DNAH3: variants seen among roughly 807,000 people sequenced by gnomAD.
DNAH3 encodes dynein axonemal heavy chain 3.
Under a neutral mutation model 432.5 loss-of-function variants are expected in DNAH3, and 332 were observed. The observed-to-expected ratio is 0.77, with a 90% confidence interval of 0.70 to 0.84. DNAH3 has a LOEUF of 0.84. Ranked by LOEUF, DNAH3 falls within the 40% of genes least tolerant of loss-of-function variation. The pLI, the probability that DNAH3 is intolerant of heterozygous loss-of-function variation, is 0.00. For missense variants in DNAH3, 4,861 were observed against 5,114.0 expected (o/e 0.95, Z 1.51); for synonymous variants, 1,956 against 1,900.2 (o/e 1.03, Z -0.76).
At chr16:21,073,455 G>C (rs1314113995) in intron 21 of DNAH3, among the ~76,000 whole-genome samples, 1 of 152,080 alleles carries the variant, frequency 6.6e-6, no homozygotes, top group Non-Finnish European at 1.5e-5. Flanking sequence ...ACCCTTGCTG[G>C]GAGAGGCTCA....
At chr16:21,145,325 G>A in exon 3 of DNAH3, 1 of 1,614,200 alleles carries the variant, frequency 6.2e-7, no homozygotes. Flanking sequence ...CCACGGTGGT[G>A]ATGCTGTTCT....
intron 61 of DNAH3, among the ~76,000 whole-genome samples, 169 bp from the exon 62 acceptor site, chr16:20,933,676 A>C (rs549917649): frequency 1.1e-4 from 17 of 152,224 alleles, no homozygotes; most frequent in Non-Finnish European, 2.2e-4. Context: ...CCCACCATAC[A>C]TGGGCCAGGC....
chr16:20,994,204 T>C (rs1352175718), intron 44 of DNAH3, among the ~76,000 whole-genome samples: 1 of 151,982 alleles, frequency 6.6e-6, no homozygotes, highest in African/African-American at 2.4e-5. Flanking sequence ...CCGAGGTGGG[T>C]GGATCACCTG....
chr16:20,982,809 A>G (rs2085973115), exon 49 of DNAH3: 2 of 1,614,100 alleles, frequency 1.2e-6, no homozygotes, highest in Non-Finnish European at 1.7e-6. Flanking sequence ...GACTGGAACC[A>G]ATCAATCGTA....
intron 19 of DNAH3, among the ~76,000 whole-genome samples, chr16:21,082,152 A>T (rs1464082901): frequency 6.6e-6 from 1 of 151,970 alleles, no homozygotes; most frequent in Non-Finnish European, 1.5e-5. Context: ...CTCCCACCAT[A>T]GCCTCCCAAA....
At chr16:21,097,522 G>A (rs2091719095) in intron 17 of DNAH3, 23 bp from the exon 18 acceptor site, 1 of 1,610,590 alleles carries the variant, frequency 6.2e-7, no homozygotes, top group Non-Finnish European at 8.5e-7. Context: ...AGGAGATGCT[G>A]TTTATGGGAT....
chr16:21,055,332 A>G (rs1282190844), intron 27 of DNAH3, among the ~76,000 whole-genome samples: 1 of 152,186 alleles, frequency 6.6e-6, no homozygotes, highest in East Asian at 1.9e-4. Context: ...CTGGGAATAC[A>G]GGCATGAGCC....
At chr16:21,021,680 C>G (rs912640605) in intron 40 of DNAH3, among the ~76,000 whole-genome samples, 7 of 152,042 alleles carry the variant, frequency 4.6e-5, no homozygotes, top group African/African-American at 1.7e-4. Flanking sequence ...GAGGCAGAGG[C>G]AGGTGGAACA....
chr16:20,987,406 G>A, exon 47 of DNAH3: 7 of 1,614,140 alleles, frequency 4.3e-6, no homozygotes, highest in East Asian at 4.5e-5. Context: ...TAGAAGACCC[G>A]ATAAACCTCA....
exon 14 of DNAH3, chr16:21,111,775 A>T (rs1353819440): frequency 3.1e-6 from 5 of 1,613,626 alleles, no homozygotes; most frequent in Non-Finnish European, 4.2e-6. Flanking sequence ...ATGCAATTTC[A>T]TTTCTCCGTT....
rs150558229 is a variant in DNAH3, at chr16:21,010,278, C to T, written c.6023-7071G>A. 4.7e-3 allele frequency among the ~76,000 whole-genome samples: 710 copies of T among 152,210 alleles called. 4 individuals are homozygous for T. Among genetic ancestry groups the T allele is most frequent in the African/African-American group, 0.016 (682 of 41,540 alleles). Reference sequence around the variant, plus strand: ...TGTGAGAGTAGAAAGAGGAGAATAGCAGAAATTCAGGAATGGATTGGTAAT... The same window carrying T: ...TGTGAGAGTAGAAAGAGGAGAATAGTAGAAATTCAGGAATGGATTGGTAAT... On this transcript the variant is annotated intron_variant, in intron 41 of 61. Coordinates refer to ENST00000261383, the Ensembl canonical transcript of DNAH3.
chr16:20,980,842 C>T (rs990172269), intron 49 of DNAH3, among the ~76,000 whole-genome samples: 2 of 152,024 alleles, frequency 1.3e-5, no homozygotes, highest in East Asian at 1.9e-4. Context: ...ATTAGTAAAC[C>T]TTTTCTGGAA....
chr16:20,985,085 T>C (rs377299255), exon 48 of DNAH3: 1 of 1,611,642 alleles, frequency 6.2e-7, no homozygotes, highest in African/African-American at 1.3e-5. Context: ...ACCCTCTCAA[T>C]AAAGAAGTTA....
At chr16:21,013,267 T>C (rs1324871082) in intron 41 of DNAH3, among the ~76,000 whole-genome samples, 1 of 151,900 alleles carries the variant, frequency 6.6e-6, no homozygotes, top group East Asian at 1.9e-4. Context: ...CAGTGGGTCA[T>C]GCCTGTAATC....
At chr16:21,040,884 G>C (rs1597215850) in intron 32 of DNAH3, among the ~76,000 whole-genome samples, 2 of 152,288 alleles carry the variant, frequency 1.3e-5, no homozygotes, top group Non-Finnish European at 2.9e-5. Context: ...TATTATCTTA[G>C]ATCTTAGAGG....
intron 57 of DNAH3, 97 bp downstream of exon 57, chr16:20,948,386 A>G: frequency 2.3e-6 from 3 of 1,288,212 alleles, no homozygotes; most frequent in East Asian, 2.5e-5. Context: ...GCCCAAGGTC[A>G]CCCCTGGGAT....
chr16:20,933,636 G>A (rs2083488958), intron 61 of DNAH3, 129 bp from the exon 62 acceptor site: 1 of 698,006 alleles, frequency 1.4e-6, no homozygotes, highest in Admixed American at 2.9e-5. Flanking sequence ...AGGATCCAGG[G>A]ACAATGGGGC....
intron 21 of DNAH3, among the ~76,000 whole-genome samples, chr16:21,074,668 C>T (rs1316244035): frequency 6.6e-6 from 1 of 152,074 alleles, no homozygotes; most frequent in African/African-American, 2.4e-5. Context: ...GATCCGAGAT[C>T]ACGCAGTTGC....
chr16:21,134,147 T>A lies in DNAH3; in HGVS notation c.1082+112A>T. ...ATATTTGGCCTAGATTTTTTTTTCTTTCATTTCTCTATGCTGTCAGGGCTA... is the reference window on the plus strand; with the variant it reads ...ATATTTGGCCTAGATTTTTTTTTCTATCATTTCTCTATGCTGTCAGGGCTA... On this transcript the variant is annotated intron_variant, in intron 7 of 61. Coordinates refer to ENST00000261383, the Ensembl canonical transcript of DNAH3. The A allele has an allele frequency of 5.3e-6, 6 of 1,123,258 alleles. No individual in the cohort carries two copies. The South Asian group carries it at 1.1e-4, about 21-fold the overall frequency. 69.6% of individuals were successfully genotyped at this position (1,123,258 alleles called of 1,614,324 possible).
Sources: gnomAD v4.1 joint callset for allele counts (sites outside exome capture counted in the v4.1 genomes callset) on GRCh38, gnomAD v4.1.1 for gene constraint, MANE v1.5 for transcripts, NCBI Gene and HGNC (gene_info 2026-07-23, HGNC 2026-07-21) for gene names.